LINGO2: variants seen among roughly 807,000 people sequenced by gnomAD.
LINGO2 encodes the protein leucine rich repeat and Ig domain containing 2, also known as leucine-rich repeat and immunoglobulin-like domain-containing nogo receptor-interacting protein 2.
In LINGO2, 14 loss-of-function variants were observed where a neutral mutation model predicts 30.6. The ratio of observed to expected loss-of-function variants is 0.46; its 90% CI spans 0.30 to 0.72. The LOEUF (loss-of-function observed/expected upper bound fraction) is 0.72, where lower values mean the gene tolerates loss of function less well. Ranked by LOEUF, LINGO2 falls within the 30% of genes least tolerant of loss-of-function variation. The probability of loss-of-function intolerance (pLI) is 0.07; values close to 1 mark genes in which losing one functional copy is unlikely to be tolerated. For synonymous variants in LINGO2, 317 were observed against 288.5 expected, an observed-to-expected ratio of 1.10 and a Z score of -1.00; for missense variants, 729 against 751.7, an observed-to-expected ratio of 0.97 and a Z score of 0.35.
At chr9:28,071,727 A>G (rs1289853890) in intron 4 of LINGO2, among the ~76,000 whole-genome samples, 1 of 152,114 alleles carries the variant, frequency 6.6e-6, no homozygotes, top group Non-Finnish European at 1.5e-5. Context: ...ATATACATCC[A>G]GGTCCATTTG....
At chr9:28,080,696 T>A (rs1339395722) in intron 4 of LINGO2, 1 of 152,200 alleles carries the variant, frequency 6.6e-6, no homozygotes, top group Non-Finnish European at 1.5e-5. Context: ...ACTGCACCCT[T>A]AAAGCCTGGA....
the LINGO2 span, among the ~76,000 whole-genome samples, chr9:28,956,179 T>C: frequency 2.6e-5 from 4 of 151,994 alleles, no homozygotes; most frequent in African/African-American, 9.7e-5. Context: ...AAAATGGGAA[T>C]TCTGGGCTGC....
At chr9:28,243,648 C>CAA (rs202040023) in intron 4 of LINGO2, among the ~76,000 whole-genome samples, 2 of 149,898 alleles carry the variant, frequency 1.3e-5, no homozygotes, top group African/African-American at 4.9e-5. Context: ...AACAAAAAAA[C>CAA]AAAAAAAACG....
At chr9:28,413,430 C>G (rs1371909484) in intron 2 of LINGO2, among the ~76,000 whole-genome samples, 4 of 151,994 alleles carry the variant, frequency 2.6e-5, no homozygotes, top group Non-Finnish European at 1.5e-5. Flanking sequence ...CACATGTAAC[C>G]ACATGCAAAC....
chr9:29,204,514 A>G, the LINGO2 span, among the ~76,000 whole-genome samples: 1 of 152,302 alleles, frequency 6.6e-6, no homozygotes, highest in Non-Finnish European at 1.5e-5. Context: ...AGAGGTACCC[A>G]ATAAACACCT....
At chr9:28,029,525 TGA>T (rs1823556814) in intron 4 of LINGO2, among the ~76,000 whole-genome samples, 1 of 152,182 alleles carries the variant, frequency 6.6e-6, no homozygotes, top group African/African-American at 2.4e-5. Context: ...TTTACCACTC[TGA>T]GTACCAGCAG....
At chr9:27,971,410 T>A (rs995842230) in intron 5 of LINGO2, among the ~76,000 whole-genome samples, 1 of 152,204 alleles carries the variant, frequency 6.6e-6, no homozygotes, top group African/African-American at 2.4e-5. Flanking sequence ...TAGATTGAGT[T>A]CTGCTCCATC....
In LINGO2 at chr9:28,388,581, A is replaced by G. The variant is rs189298303; in HGVS notation, c.-278-15713T>C. ...CATCTTTGCCAAAACTTCATATTAC[A>G]TGACTTTTAATTTTTGCCAATCCTG... is the stretch of plus-strand genomic sequence containing the variant. On this transcript the variant is annotated intron_variant, in intron 2 of 5. Coordinates refer to ENST00000379992, the Ensembl canonical transcript of LINGO2. Among the ~76,000 whole-genome samples, 5 of 152,290 alleles carry G rather than the reference A, an allele frequency of 3.3e-5. No individual in the cohort carries two copies. The East Asian group carries it at 7.7e-4, about 24-fold the overall frequency.
chr9:28,403,385 C>A (rs1822352256), intron 2 of LINGO2, among the ~76,000 whole-genome samples: 1 of 152,126 alleles, frequency 6.6e-6, no homozygotes, highest in Admixed American at 6.5e-5. Context: ...GCTGCAGCTT[C>A]TATAAGGTGG....
chr9:27,989,445 CTG>C (rs5897262), intron 5 of LINGO2, among the ~76,000 whole-genome samples: 11,681 of 150,142 alleles, frequency 0.078, 500 homozygotes, highest in Non-Finnish European at 0.1. Context: ...TGAATGCTCT[CTG>C]TGTGTGTGTG....
intron 4 of LINGO2, among the ~76,000 whole-genome samples, chr9:28,056,927 A>G (rs1437302673): frequency 6.6e-6 from 1 of 152,188 alleles, no homozygotes; most frequent in Non-Finnish European, 1.5e-5. Flanking sequence ...ATTGTCACAT[A>G]ATTTGATATT....
intron 5 of LINGO2, among the ~76,000 whole-genome samples, chr9:27,972,367 G>T (rs1043428091): frequency 2.0e-5 from 3 of 152,178 alleles, no homozygotes; most frequent in Non-Finnish European, 4.4e-5. Context: ...GGAAACCTGG[G>T]ATATAAGAAA....
chr9:28,627,745 G>A (rs62547109), intron 1 of LINGO2, among the ~76,000 whole-genome samples: 1 of 151,620 alleles, frequency 6.6e-6, no homozygotes, highest in Non-Finnish European at 1.5e-5. Context: ...TTTCAAAATT[G>A]TCTATAATGT....
At chr9:29,177,575 C>A in the LINGO2 span, among the ~76,000 whole-genome samples, 1 of 152,082 alleles carries the variant, frequency 6.6e-6, no homozygotes, top group Non-Finnish European at 1.5e-5. Flanking sequence ...AGAGGTGAAA[C>A]CATTACCCAA....
At chr9:28,216,421 AAGAAAG>A (rs1820769005) in intron 4 of LINGO2, among the ~76,000 whole-genome samples, 1 of 151,936 alleles carries the variant, frequency 6.6e-6, no homozygotes, top group Non-Finnish European at 1.5e-5. Flanking sequence ...TAGTTAAATG[AAGAAAG>A]AGTAGAAAAA....
At position 28,137,230 on chromosome 9, in the gene LINGO2, T is replaced by C. The variant is rs568411367; in HGVS notation, c.-86-124825A>G. On this transcript the variant is annotated intron_variant, in intron 4 of 5. Coordinates refer to ENST00000379992, the Ensembl canonical transcript of LINGO2. ...ACACACACACACACACACACACAAA[T>C]TGGTTTTCTCTAGAGAACCCTGGCA... 3.6e-5 allele frequency among the ~76,000 whole-genome samples: 5 copies of C among 137,608 alleles called. No individual in the cohort carries two copies. The Admixed American group carries it at 3.7e-4, about 10-fold the overall frequency. 90.3% of individuals were successfully genotyped at this position (137,608 alleles called of 152,430 possible). A position where few individuals can be genotyped will look rare whatever the true frequency, so the allele number is the denominator to read the frequency against.
chr9:29,095,363 C>A, the LINGO2 span, among the ~76,000 whole-genome samples: 2 of 137,654 alleles, frequency 1.5e-5, 1 homozygote, highest in East Asian at 5.0e-4. Flanking sequence ...TATAACAAGT[C>A]AAAATTTAAG....
the LINGO2 span, among the ~76,000 whole-genome samples, chr9:29,138,146 T>G: frequency 6.6e-6 from 1 of 151,994 alleles, no homozygotes; most frequent in Non-Finnish European, 1.5e-5. Context: ...AATCAAACAG[T>G]ACTATATGAA....
At chr9:28,812,675 T>A in the LINGO2 span, among the ~76,000 whole-genome samples, 1 of 152,166 alleles carries the variant, frequency 6.6e-6, no homozygotes, top group South Asian at 2.1e-4. Context: ...TAGTGGAGGA[T>A]TGTTTTTCTC....
Sources: gnomAD v4.1 joint callset for allele counts (sites outside exome capture counted in the v4.1 genomes callset) on GRCh38, gnomAD v4.1.1 for gene constraint, MANE v1.5 for transcripts, NCBI Gene and HGNC (gene_info 2026-07-23, HGNC 2026-07-21) for gene names.